The following CHCHD6 variants were observed in gnomAD, a reference collection of about 807,000 sequenced individuals.
CHCHD6 encodes the protein MICOS complex subunit MIC25.
In CHCHD6, 28 loss-of-function variants were observed where a neutral mutation model predicts 32.3. That is an observed-to-expected ratio of 0.87 (90% CI 0.64 to 1.19). CHCHD6 has a LOEUF of 1.19. Among genes scored for constraint, CHCHD6 ranks in the 50% most tolerant of loss-of-function variants. The pLI, the probability that CHCHD6 is intolerant of heterozygous loss-of-function variation, is 0.00. For synonymous variants in CHCHD6, 122 were observed against 117.5 expected (o/e 1.04, Z -0.25); for missense variants, 333 against 307.0 (o/e 1.08, Z -0.63).
chr3:126,726,117 C>T (rs568877756), intron 1 of CHCHD6, among the ~76,000 whole-genome samples: 4 of 152,350 alleles, frequency 2.6e-5, no homozygotes, highest in Admixed American at 2.6e-4. Context: ...ACATGCCTTC[C>T]TCACTAAGCT....
chr3:126,727,994 C>T (rs1419259553), intron 2 of CHCHD6, among the ~76,000 whole-genome samples: 1 of 151,720 alleles, frequency 6.6e-6, no homozygotes, highest in Non-Finnish European at 1.5e-5. Flanking sequence ...AAAAGATTGG[C>T]TGGAGGCAGC....
chr3:126,880,502 G>A (rs1400876383), intron 5 of CHCHD6, among the ~76,000 whole-genome samples: 1 of 152,106 alleles, frequency 6.6e-6, no homozygotes, highest in African/African-American at 2.4e-5. Flanking sequence ...CCACACCCAA[G>A]CACCTTACTC....
chr3:126,794,251 AT>A (rs1410478451), intron 4 of CHCHD6, among the ~76,000 whole-genome samples: 1 of 149,946 alleles, frequency 6.7e-6, no homozygotes, highest in Non-Finnish European at 1.5e-5. Context: ...TTCCCCCCAT[AT>A]TTTTGTTCCA....
intron 5 of CHCHD6, among the ~76,000 whole-genome samples, chr3:126,877,978 C>A (rs931974735): frequency 1.1e-4 from 17 of 152,184 alleles, no homozygotes; most frequent in African/African-American, 3.9e-4. Flanking sequence ...AGAAATGAAA[C>A]CTTGAGCTTC....
At chr3:126,805,746 C>T (rs1207538010) in intron 4 of CHCHD6, among the ~76,000 whole-genome samples, 4 of 152,302 alleles carry the variant, frequency 2.6e-5, no homozygotes, top group African/African-American at 7.2e-5. Context: ...ATCGCCAAGT[C>T]GATCCTAAGC....
Position 126,957,557 on chromosome 3 carries a change from G to A in CHCHD6, c.702+6G>A, listed in dbSNP as rs199963599. Reference sequence around the variant, plus strand: ...GCGTGAGCGCCGCCCACAAGGTAAGGCCTTGCCTGCCTCCCAGGTTTCCAA... The same window carrying A: ...GCGTGAGCGCCGCCCACAAGGTAAGACCTTGCCTGCCTCCCAGGTTTCCAA... On this transcript the variant is annotated splice_donor_region_variant and intron_variant, in intron 7 of 7. Transcript: ENST00000290913. 2.8e-5 allele frequency: 44 copies of A among 1,557,742 alleles called. No homozygotes were observed. The East Asian group carries it at 9.9e-4, about 35-fold the overall frequency.
intron 4 of CHCHD6, among the ~76,000 whole-genome samples, chr3:126,782,170 T>C (rs563196913): frequency 6.6e-6 from 1 of 152,206 alleles, no homozygotes; most frequent in Non-Finnish European, 1.5e-5. Context: ...CCTTTCTAAA[T>C]TGTAATTATG....
At chr3:126,814,331 G>A (rs140985598) in intron 4 of CHCHD6, among the ~76,000 whole-genome samples, 32 of 152,320 alleles carry the variant, frequency 2.1e-4, no homozygotes, top group East Asian at 1.9e-3. Context: ...TACATATTTG[G>A]TCTTTGTCCT....
intron 6 of CHCHD6, among the ~76,000 whole-genome samples, chr3:126,954,411 G>A (rs192377103): frequency 4.4e-4 from 67 of 152,284 alleles, no homozygotes; most frequent in Non-Finnish European, 7.4e-4. Flanking sequence ...GCAAAGTGTC[G>A]GCGTCTCTGT....
chr3:126,879,214 T>C (rs73205627), intron 5 of CHCHD6, among the ~76,000 whole-genome samples: 3,851 of 152,286 alleles, frequency 0.025, 61 homozygotes, highest in Middle Eastern at 0.061. Context: ...CAGAATTCCA[T>C]CCAAGATCCA....
intron 4 of CHCHD6, among the ~76,000 whole-genome samples, chr3:126,798,098 G>A (rs1213631590): frequency 6.6e-6 from 1 of 152,058 alleles, no homozygotes; most frequent in Non-Finnish European, 1.5e-5. Flanking sequence ...AATTATAACA[G>A]AGGGGTGGCA....
chr3:126,811,312 G>A (rs1350360365), intron 4 of CHCHD6, among the ~76,000 whole-genome samples: 1 of 152,146 alleles, frequency 6.6e-6, no homozygotes, highest in African/African-American at 2.4e-5. Flanking sequence ...TGCCCAAGGG[G>A]TCACTTCAGC....
At chr3:126,867,615 A>AC (rs1489480839) in intron 5 of CHCHD6, among the ~76,000 whole-genome samples, 1 of 151,982 alleles carries the variant, frequency 6.6e-6, no homozygotes, top group African/African-American at 2.4e-5. Context: ...GACCAGGAGA[A>AC]CCCCCTTGAT....
chr3:126,935,109 G>C, intron 6 of CHCHD6: 2 of 987,480 alleles, frequency 2.0e-6, no homozygotes, highest in Non-Finnish European at 2.4e-6. Flanking sequence ...TTACTTGTGA[G>C]CACGAATCAC....
intron 4 of CHCHD6, among the ~76,000 whole-genome samples, chr3:126,738,072 C>T (rs1010730963): frequency 2.0e-5 from 3 of 152,134 alleles, no homozygotes; most frequent in African/African-American, 7.2e-5. Context: ...CCTAAGGATC[C>T]CACCAGTAGA....
chr3:126,833,260 T>C (rs1411195708), intron 4 of CHCHD6, among the ~76,000 whole-genome samples: 3 of 152,118 alleles, frequency 2.0e-5, no homozygotes, highest in Non-Finnish European at 4.4e-5. Flanking sequence ...CCTTCCGAAG[T>C]TGGGGGTACA....
At chr3:126,726,088 C>T (rs1007245886) in intron 1 of CHCHD6, among the ~76,000 whole-genome samples, 7 of 152,212 alleles carry the variant, frequency 4.6e-5, no homozygotes, top group African/African-American at 1.4e-4. Flanking sequence ...GCCTAGCTCT[C>T]GGCCTATCTT....
intron 4 of CHCHD6, among the ~76,000 whole-genome samples, chr3:126,786,749 A>G (rs1377056787): frequency 4.6e-5 from 7 of 152,190 alleles, no homozygotes; most frequent in South Asian, 2.1e-4. Flanking sequence ...AGTAGATTGC[A>G]AAAATTTTCT....
intron 3 of CHCHD6, 95 bp downstream of exon 3, chr3:126,730,725 G>A: frequency 1.0e-6 from 1 of 1,000,744 alleles, no homozygotes; most frequent in Non-Finnish European, 1.5e-6. Flanking sequence ...AGCCCTGGAG[G>A]CTTTGTCTCA....
Sources: gnomAD v4.1 joint callset for allele counts (sites outside exome capture counted in the v4.1 genomes callset) on GRCh38, gnomAD v4.1.1 for gene constraint, MANE v1.5 for transcripts, NCBI Gene and HGNC (gene_info 2026-07-23, HGNC 2026-07-21) for gene names.